Variants in KDM4A observed in about 807,000 individuals in gnomAD.
The protein encoded by KDM4A is lysine-specific demethylase 4A.
Under a neutral mutation model 127.1 loss-of-function variants are expected in KDM4A, and 23 were observed. The ratio of observed to expected loss-of-function variants is 0.18; its 90% CI spans 0.13 to 0.26. KDM4A has a LOEUF of 0.26. Among genes scored for constraint, KDM4A ranks in the 10% least tolerant of loss-of-function variants. KDM4A has a pLI of 1.00. For synonymous variants in KDM4A, 443 were observed against 466.5 expected, an observed-to-expected ratio of 0.95 and a Z score of 0.65; for missense variants, 890 against 1,329.1, an observed-to-expected ratio of 0.67 and a Z score of 5.14.
chr1:43,657,869 G>A (rs1367359759), intron 3 of KDM4A, among the ~76,000 whole-genome samples: 1 of 148,692 alleles, frequency 6.7e-6, no homozygotes, highest in Non-Finnish European at 1.5e-5. Flanking sequence ...TCCTTCCTCG[G>A]CCTCCCGAGT....
At chr1:43,689,201 C>T (rs961779072) in intron 13 of KDM4A, 106 bp downstream of exon 13, 19 of 1,119,698 alleles carry the variant, frequency 1.7e-5, no homozygotes, top group Admixed American at 1.3e-4. Context: ...GGAAAGGCCA[C>T]CTCCACCCCC....
rs749343047 is a variant in KDM4A, at chr1:43,694,817, G to A, written c.2593G>A (p.Gly865Ser). Residue 865 changes from glycine (G) to serine (S), a missense_variant, in exon 18 of 22, where the codon GGT becomes AGT. Coordinates refer to ENST00000372396, the MANE Select transcript of KDM4A (RefSeq NM_014663.3). This position sits in a 1 kb window ranked among gnomAD's most constrained non-coding sequence, Gnocchi z 5.2. ...CCATGTGAGCTGCGCCCAGGCTGCC[G>A]GTGTGATGATGCAGCCTGACGACTG... ...AFHVSCAQAA[G>S]VMMQPDDWPF... 1.2e-5 allele frequency: 19 copies of A among 1,613,968 alleles called. No individual in the cohort carries two copies. Among genetic ancestry groups the A allele is most frequent in the Non-Finnish European group, 1.4e-5 (16 of 1,179,868 alleles).
In KDM4A at chr1:43,689,210, C is replaced by T; in HGVS notation, c.2037+115C>T. ...GTCTTGGGAAAGGCCACCTCCACCCCCAGCATTCTCTGCCCCATCTGTGTA... is the reference window on the plus strand; with the variant it reads ...GTCTTGGGAAAGGCCACCTCCACCCTCAGCATTCTCTGCCCCATCTGTGTA... On this transcript the variant is annotated intron_variant, in intron 13 of 21. Transcript: ENST00000372396. 3 of 1,009,520 alleles carry T rather than the reference C, an allele frequency of 3.0e-6. No individual in the cohort carries two copies. The South Asian group carries it at 4.4e-5, about 15-fold the overall frequency. 62.5% of individuals were successfully genotyped at this position (1,009,520 alleles called of 1,614,324 possible).
chr1:43,669,239 G>A lies in KDM4A; in HGVS notation c.1303G>A (p.Ala435Thr), dbSNP rs1267630620. The A allele has an allele frequency of 1.2e-6, 2 of 1,614,166 alleles. No individual in the cohort carries two copies. Among genetic ancestry groups the A allele is most frequent in the Non-Finnish European group, 8.5e-7 (1 of 1,180,036 alleles). Residue 435 changes from alanine (A) to threonine (T), a missense_variant, in exon 10 of 22, where the codon GCC becomes ACC. Physicochemically the swap from Ala to Thr is moderately conservative, Grantham distance 58. This residue lies in a region of KDM4A where 389 missense variants were observed against 485.9 expected (regional missense o/e 0.80). Coordinates refer to ENST00000372396, the MANE Select transcript of KDM4A (RefSeq NM_014663.3). ...YEMTECPAAL[A>T]PVRPTHSSVR... The stretch of plus-strand genomic sequence containing the variant: ...GATGACGGAGTGCCCGGCAGCCCTC[G>A]CCCCTGTGAGGCCCACCCATAGCTC...
chr1:43,671,800 G>T lies in KDM4A; in HGVS notation c.1659G>T (p.Arg553Ser). The change falls in exon 11 of 22, where the codon AGG (arginine) becomes AGT (serine). Residue 553 changes from arginine (R) to serine (S), a missense_variant. By Grantham distance (110) the Arg-to-Ser change is moderately radical. This residue lies in a region of KDM4A where 389 missense variants were observed against 485.9 expected (regional missense o/e 0.80). Transcript: ENST00000372396. ...ACAGTTATGCCAAAGGGGATGGCAGGGTCACTGTGGGAGAGCCATGCACGA... is the reference window on the plus strand; with the variant it reads ...ACAGTTATGCCAAAGGGGATGGCAGTGTCACTGTGGGAGAGCCATGCACGA... ...TVHSYAKGDG[R>S]VTVGEPCTRK... 2 of 1,609,698 alleles carry T rather than the reference G, an allele frequency of 1.2e-6. No individual in the cohort carries two copies. Among genetic ancestry groups the T allele is most frequent in the Non-Finnish European group, 1.7e-6 (2 of 1,177,676 alleles).
rs978761618 is a variant in KDM4A at position 43,693,350 on chromosome 1, G to A, written c.2376-644G>A. Among the ~76,000 whole-genome samples, 6 of 152,334 alleles carry A rather than the reference G, an allele frequency of 3.9e-5. No homozygotes were observed. Among genetic ancestry groups the A allele is most frequent in the Admixed American group, 3.3e-4 (5 of 15,300 alleles). On this transcript the variant is annotated intron_variant, in intron 16 of 21. Coordinates refer to ENST00000372396, the MANE Select transcript of KDM4A (RefSeq NM_014663.3). The surrounding 1 kb of genome is among the most constrained non-coding windows in gnomAD (Gnocchi z 4.2). The stretch of plus-strand genomic sequence containing the variant: ...CTGGTGTAGGTTTTCACGTAGCATG[G>A]TTTTAAGAGTTGTCACCATTTTCGT...
chr1:43,674,621 A>G (rs1660700676), intron 11 of KDM4A, among the ~76,000 whole-genome samples: 1 of 151,030 alleles, frequency 6.6e-6, no homozygotes, highest in Admixed American at 6.6e-5. Context: ...GGTTCAAGTG[A>G]TTCTCGTGCC....
chr1:43,678,026 G>A (rs1225587920), intron 11 of KDM4A, among the ~76,000 whole-genome samples: 2 of 152,110 alleles, frequency 1.3e-5, no homozygotes, highest in Non-Finnish European at 2.9e-5. Flanking sequence ...GTGACTGGAT[G>A]GGGGTGAGTC....
Position 43,697,949 on chromosome 1 carries a change from C to A in KDM4A, c.2777C>A (p.Thr926Asn). 1 of 1,613,900 alleles carries A rather than the reference C, an allele frequency of 6.2e-7. No individual in the cohort carries two copies. Among genetic ancestry groups the A allele is most frequent in the African/African-American group, 1.3e-5 (1 of 74,942 alleles). The change falls in exon 19 of 22, where the codon ACC becomes AAC. Residue 926 changes from threonine (T) to asparagine (N), a missense_variant. Transcript: ENST00000372396. Reference sequence around the variant, plus strand: ...GAAGTGGTCAGGCTCACCACCGAGACCTTCTATGAAGTCAACTTTGATGAT... The same window carrying A: ...GAAGTGGTCAGGCTCACCACCGAGAACTTCTATGAAGTCAACTTTGATGAT... ...QCEVVRLTTE[T>N]FYEVNFDDGS... is the part of the protein sequence containing the mutation.
intron 14 of KDM4A, 68 bp downstream of exon 14, chr1:43,691,117 C>T: frequency 1.3e-6 from 2 of 1,510,046 alleles, no homozygotes; most frequent in Non-Finnish European, 1.8e-6. Context: ...GAAGTTCTTG[C>T]CACCTCCTGG....
In KDM4A at chr1:43,688,560, G is replaced by T. The variant is rs971306147; in HGVS notation, c.1856-354G>T. ...CGTTTTGGAGGCAGCAAATAAGATG[G>T]TTTTTGGCAAGATGGTGCTTCATTC... On this transcript the variant is annotated intron_variant, in intron 12 of 21. Transcript: ENST00000372396. The surrounding 1 kb of genome is among the most constrained non-coding windows in gnomAD (Gnocchi z 4.4). 2.6e-5 allele frequency among the ~76,000 whole-genome samples: 4 copies of T among 152,316 alleles called. No homozygotes were observed. Among genetic ancestry groups the T allele is most frequent in the Admixed American group, 6.5e-5 (1 of 15,298 alleles).
At chr1:43,657,876 G>A (rs990810802) in intron 3 of KDM4A, among the ~76,000 whole-genome samples, 5 of 149,056 alleles carry the variant, frequency 3.4e-5, no homozygotes, top group Non-Finnish European at 7.4e-5. Flanking sequence ...TCGGCCTCCC[G>A]AGTAGCTGGG....
chr1:43,671,947 TG>T (rs1331979085), intron 11 of KDM4A, 72 bp downstream of exon 11: 5 of 1,472,812 alleles, frequency 3.4e-6, no homozygotes, highest in Non-Finnish European at 4.5e-6. Flanking sequence ...GGGATCTGTG[TG>T]GGGGAGGGAG....
In KDM4A at chr1:43,694,995, T is replaced by C. The variant is rs1661210260; in HGVS notation, c.2670+101T>C. On this transcript the variant is annotated intron_variant, in intron 18 of 21. Coordinates refer to ENST00000372396, the MANE Select transcript of KDM4A (RefSeq NM_014663.3). This position sits in a 1 kb window ranked among gnomAD's most constrained non-coding sequence, Gnocchi z 5.2. Reference sequence around the variant, plus strand: ...TATCAGCAACTATTTCCTCAAGCATTCTGCATTATGAAGAGTGCTAATGAG... The same window carrying C: ...TATCAGCAACTATTTCCTCAAGCATCCTGCATTATGAAGAGTGCTAATGAG... 4.2e-6 allele frequency: 5 copies of C among 1,179,228 alleles called. No individual in the cohort carries two copies. In the African/African-American group the frequency reaches 6.1e-5, roughly 14 times the overall value. 73.0% of individuals were successfully genotyped at this position (1,179,228 alleles called of 1,614,324 possible).
chr1:43,672,298 C>T (rs549335811), intron 11 of KDM4A, among the ~76,000 whole-genome samples: 1 of 151,972 alleles, frequency 6.6e-6, no homozygotes, highest in East Asian at 1.9e-4. Context: ...AAGCAGTTCT[C>T]CTGCCTCAGC....
intron 10 of KDM4A, among the ~76,000 whole-genome samples, chr1:43,669,643 A>G (rs2154047270): frequency 6.6e-6 from 1 of 150,384 alleles, no homozygotes; most frequent in South Asian, 2.1e-4. Flanking sequence ...AGGCATGGAG[A>G]TGGGAATTTT....
chr1:43,687,862 T>C lies in KDM4A; in HGVS notation c.1856-1052T>C, dbSNP rs116080413. 9.9e-3 allele frequency among the ~76,000 whole-genome samples: 1,509 copies of C among 152,216 alleles called. 23 individuals carry two copies. The highest frequency in any genetic ancestry group is 0.035 in the African/African-American group (1,443 of 41,516). The stretch of plus-strand genomic sequence containing the variant: ...TGTAGGAAGATGCACCCAGAGGGGA[T>C]TTTTCCTTCCCAGGCCTTAGTGAAG... On this transcript the variant is annotated intron_variant, in intron 12 of 21. Transcript: ENST00000372396.
chr1:43,691,155 G>C (rs914985721), intron 14 of KDM4A, 106 bp downstream of exon 14: 2 of 1,146,696 alleles, frequency 1.7e-6, no homozygotes, highest in Admixed American at 1.7e-5. Context: ...GATTGTTGAT[G>C]TTTTATTGGG....
intron 5 of KDM4A, among the ~76,000 whole-genome samples, chr1:43,665,388 G>A (rs895500168): frequency 6.6e-6 from 1 of 151,770 alleles, no homozygotes; most frequent in African/African-American, 2.4e-5. Context: ...TTTAAAAAAT[G>A]TTATTATATG....
Sources: allele counts gnomAD v4.1 joint callset (sites outside exome capture counted in the v4.1 genomes callset), GRCh38; gene constraint gnomAD v4.1.1; regional missense constraint gnomAD v4.1.1; non-coding constraint Gnocchi (gnomAD v3.1); transcripts MANE v1.5; gene names NCBI Gene and HGNC (gene_info 2026-07-23, HGNC 2026-07-21).